SKAP1: variants seen among roughly 807,000 people sequenced by gnomAD.
SKAP1 encodes src kinase-associated phosphoprotein 1.
SKAP1 carries 44 observed loss-of-function variants against 58.5 expected under a neutral mutation model. The ratio of observed to expected loss-of-function variants is 0.75; its 90% confidence interval spans 0.59 to 0.97. SKAP1 has a LOEUF of 0.97. Among genes scored for constraint, SKAP1 ranks in the 50% least tolerant of loss-of-function variants. The pLI is 0.00. For synonymous variants in SKAP1, 127 were observed against 149.7 expected, an observed-to-expected ratio of 0.85 and a Z score of 1.11; for missense variants, 390 against 435.2, an observed-to-expected ratio of 0.90 and a Z score of 0.92.
At chr17:48,199,246 A>G (rs926358271) in intron 4 of SKAP1, among the ~76,000 whole-genome samples, 4 of 152,190 alleles carry the variant, frequency 2.6e-5, no homozygotes, top group Non-Finnish European at 5.9e-5. Context: ...AAATCCTGTA[A>G]TGGTTTTTTA....
chr17:48,268,472 G>A (rs754859593), intron 4 of SKAP1, among the ~76,000 whole-genome samples: 2 of 145,724 alleles, frequency 1.4e-5, no homozygotes, highest in African/African-American at 2.6e-5. Context: ...GAGTTGGTAC[G>A]AAGTGGAGAG....
At chr17:48,300,953 C>G (rs868323160) in intron 4 of SKAP1, among the ~76,000 whole-genome samples, 1 of 152,136 alleles carries the variant, frequency 6.6e-6, no homozygotes, top group Non-Finnish European at 1.5e-5. Flanking sequence ...TGCCTGTTAG[C>G]CAGGACTGAT....
At chr17:48,198,226 C>T (rs1306158320) in intron 4 of SKAP1, among the ~76,000 whole-genome samples, 2 of 151,936 alleles carry the variant, frequency 1.3e-5, no homozygotes, top group Admixed American at 6.6e-5. Flanking sequence ...GAGGCCGAGA[C>T]GGGCGGATCA....
At chr17:48,413,271 T>A (rs1008160342) in intron 1 of SKAP1, among the ~76,000 whole-genome samples, 1 of 151,510 alleles carries the variant, frequency 6.6e-6, no homozygotes, top group African/African-American at 2.4e-5. Context: ...TCCCAGCACT[T>A]TGGGAGGCTG....
chr17:48,439,893 T>G, the SKAP1 span, among the ~76,000 whole-genome samples: 1 of 152,190 alleles, frequency 6.6e-6, no homozygotes, highest in African/African-American at 2.4e-5. Context: ...GCCCTTCATC[T>G]GCTATCCCAG....
intron 1 of SKAP1, among the ~76,000 whole-genome samples, chr17:48,405,451 T>TCC (rs2067567240): frequency 3.5e-4 from 12 of 34,060 alleles, no homozygotes; most frequent in African/African-American, 1.4e-3. Flanking sequence ...CTTTCTTTCT[T>TCC]TTCTTTCTTT....
chr17:48,415,335 CA>C (rs977787471), intron 1 of SKAP1, among the ~76,000 whole-genome samples: 3 of 134,928 alleles, frequency 2.2e-5, no homozygotes, highest in African/African-American at 6.0e-5. Flanking sequence ...CACCCTTTGG[CA>C]AAAAAAAATT....
At chr17:48,402,456 A>G (rs573219938) in intron 1 of SKAP1, among the ~76,000 whole-genome samples, 32 of 152,102 alleles carry the variant, frequency 2.1e-4, no homozygotes, top group African/African-American at 5.8e-4. Context: ...CAGCCCCCCA[A>G]GTAGCTGGGA....
chr17:48,340,039 G>A (rs908132310), intron 4 of SKAP1, among the ~76,000 whole-genome samples: 3 of 152,096 alleles, frequency 2.0e-5, no homozygotes, highest in African/African-American at 7.2e-5. Context: ...AAATTAGCCA[G>A]TCGTGTGGCA....
At position 48,396,705 on chromosome 17, in the gene SKAP1, G is replaced by A. The variant is rs116549994; in HGVS notation, c.127C>T (p.Arg43Trp). 1.8e-5 allele frequency: 29 copies of A among 1,612,034 alleles called. No individual in the cohort carries two copies. In the East Asian group the frequency reaches 2.2e-4, roughly 12 times the overall value. Residue 43 changes from arginine (R) to tryptophan (W), a missense_variant, in exon 2 of 13, where the codon CGG becomes TGG. Arg to Trp is a moderately radical substitution (Grantham distance 101). Coordinates refer to ENST00000336915, the MANE Select transcript of SKAP1 (RefSeq NM_003726.4). ...CTGGCTTTGATTTGCTGAAAGCCCC[G>A]TAGAATATGGTCTCTGTGATCCCTT... ...VARDHRDHILRGFQQIKARYY... is the reference protein window; with the variant it reads ...VARDHRDHILWGFQQIKARYY...
intron 4 of SKAP1, among the ~76,000 whole-genome samples, chr17:48,331,997 C>A (rs2066512898): frequency 6.6e-6 from 1 of 152,114 alleles, no homozygotes; most frequent in African/African-American, 2.4e-5. Context: ...TCACTCTCTT[C>A]ACATTATGTT....
chr17:48,269,441 G>A (rs1246267411), intron 4 of SKAP1, among the ~76,000 whole-genome samples: 2 of 152,124 alleles, frequency 1.3e-5, no homozygotes, highest in African/African-American at 4.8e-5. Context: ...TGGCATAAGT[G>A]GGAAGAGCTT....
At chr17:48,189,570 G>T in intron 4 of SKAP1, 70 bp from the exon 5 acceptor site, 1 of 1,090,018 alleles carries the variant, frequency 9.2e-7, no homozygotes, top group Non-Finnish European at 1.4e-6. Context: ...GCTACTTTAG[G>T]TAATTCACAT....
At chr17:48,379,682 CTT>C (rs397856911) in intron 2 of SKAP1, among the ~76,000 whole-genome samples, 17 of 124,022 alleles carry the variant, frequency 1.4e-4, no homozygotes, top group Non-Finnish European at 1.0e-4. Flanking sequence ...GTATCTTCTT[CTT>C]TTTTTTTTTT....
chr17:48,387,886 C>T (rs992082207), intron 2 of SKAP1, among the ~76,000 whole-genome samples: 2 of 151,958 alleles, frequency 1.3e-5, no homozygotes. Context: ...ATTTTAGCTC[C>T]TAATAATTGC....
chr17:48,384,796 G>A (rs955918721), intron 2 of SKAP1, among the ~76,000 whole-genome samples: 3 of 152,174 alleles, frequency 2.0e-5, no homozygotes, highest in Admixed American at 6.5e-5. Flanking sequence ...GAAGTTTGAG[G>A]AACACCCAGA....
At chr17:48,321,738 A>G (rs1385318210) in intron 4 of SKAP1, among the ~76,000 whole-genome samples, 1 of 152,100 alleles carries the variant, frequency 6.6e-6, no homozygotes, top group Non-Finnish European at 1.5e-5. Flanking sequence ...TGAAAGGTCC[A>G]CTGACATTGA....
At chr17:48,206,432 C>A (rs8067466) in intron 4 of SKAP1, among the ~76,000 whole-genome samples, 41,356 of 151,648 alleles carry the variant, frequency 0.27, 6,383 homozygotes, top group African/African-American at 0.43. Context: ...AAAATAAAGA[C>A]GTTTTTTTTT....
chr17:48,160,421 G>A (rs35778085), intron 11 of SKAP1, among the ~76,000 whole-genome samples: 3,521 of 151,872 alleles, frequency 0.023, 144 homozygotes, highest in African/African-American at 0.081. Flanking sequence ...ACAGGCGTAA[G>A]CCACCATGCC....
Sources: gnomAD v4.1 joint callset for allele counts (sites outside exome capture counted in the v4.1 genomes callset) on GRCh38, gnomAD v4.1.1 for gene constraint, MANE v1.5 for transcripts, NCBI Gene and HGNC (gene_info 2026-07-23, HGNC 2026-07-21) for gene names.